Variants in SOWAHC observed in about 807,000 individuals in gnomAD.
SOWAHC encodes sosondowah ankyrin repeat domain family member C.
SOWAHC carries 12 observed loss-of-function variants against 14.4 expected under a neutral mutation model. The ratio of observed to expected loss-of-function variants is 0.83; its 90% CI spans 0.53 to 1.35. The LOEUF is 1.35. Among genes scored for constraint, SOWAHC ranks in the 40% most tolerant of loss-of-function variants. The probability of loss-of-function intolerance (pLI) is 0.00; values close to 1 mark genes in which losing one functional copy is unlikely to be tolerated. For synonymous variants in SOWAHC, 398 were observed against 347.0 expected (o/e 1.15, Z -1.63); for missense variants, 771 against 752.8 (o/e 1.02, Z -0.28).
chr2:109,617,573 T>C lies in SOWAHC; in HGVS notation c.*1506T>C. The C allele has an allele frequency of 6.0e-6, 1 of 167,136 alleles. No homozygotes were observed. The allele number at this position is 167,136 out of a possible 1,614,324, so 10.4% of individuals were successfully genotyped here. On this transcript the variant is annotated 3_prime_UTR_variant, in exon 1 of 1. Coordinates refer to ENST00000356454, the MANE Select transcript of SOWAHC (RefSeq NM_023016.4). ...TTTGGGTCGCGTAGTTGCTGAAACC[T>C]AAGTACCTGCAGCCTACAGGATAAG... is the stretch of plus-strand genomic sequence containing the variant.
At position 109,615,819 on chromosome 2, in the gene SOWAHC, T is replaced by C. The variant is rs757964739; in HGVS notation, c.1330T>C (p.Ser444Pro). The C allele has an allele frequency of 1.9e-6, 3 of 1,613,802 alleles. No homozygotes were observed. The African/African-American group carries it at 4.0e-5, about 22-fold the overall frequency. The change falls in exon 1 of 1, where the codon TCG becomes CCG. Residue 444 changes from serine to proline, a missense_variant. Ser to Pro is a moderately conservative substitution (Grantham distance 74, BLOSUM62 -1). Coordinates refer to ENST00000356454, the MANE Select transcript of SOWAHC (RefSeq NM_023016.4). ...DGGDHHHHHH[S>P]AEGWVGGKAK... is the part of the protein sequence containing the mutation. ...AGGGGACCATCACCACCATCACCAC[T>C]CGGCTGAGGGGTGGGTCGGAGGCAA...
chr2:109,617,979 C>T lies in SOWAHC; in HGVS notation c.*1912C>T, dbSNP rs1700171272. On this transcript the variant is annotated 3_prime_UTR_variant, in exon 1 of 1. Transcript: ENST00000356454. ...GGTTGCAGTTGAGCCAAGATCACGACACTGCACTCCAGCCTGGGCAACGGA... is the reference window on the plus strand; with the variant it reads ...GGTTGCAGTTGAGCCAAGATCACGATACTGCACTCCAGCCTGGGCAACGGA... 6.3e-6 allele frequency: 1 copy of T among 158,720 alleles called. No individual in the cohort carries two copies. The highest frequency in any genetic ancestry group is 1.5e-5 in the Non-Finnish European group (1 of 67,472). The allele number at this position is 158,720 out of a possible 1,614,324, so 9.8% of individuals were successfully genotyped here.
chr2:109,618,411 G>T lies in SOWAHC; in HGVS notation c.*2344G>T, dbSNP rs973460691. The T allele has an allele frequency of 1.8e-5, 3 of 167,010 alleles. No individual in the cohort carries two copies. The highest frequency in any genetic ancestry group is 4.8e-5 in the African/African-American group (2 of 41,428). 10.3% of individuals were successfully genotyped at this position (167,010 alleles called of 1,614,324 possible). ...ACTAATTGCACAAAATCTATAATTT[G>T]CCAGGGCTTTAGAGATTGAGTCAAT... is the stretch of plus-strand genomic sequence containing the variant. On this transcript the variant is annotated 3_prime_UTR_variant, in exon 1 of 1. Coordinates refer to ENST00000356454, the MANE Select transcript of SOWAHC (RefSeq NM_023016.4).
Position 109,614,650 on chromosome 2 carries a change from C to G in SOWAHC, c.161C>G (p.Ala54Gly). ...GEPEQRARARAHFKELVNAVA... is the reference protein window; with the variant it reads ...GEPEQRARARGHFKELVNAVA... Reference sequence around the variant, plus strand: ...CCGGAGCAGCGCGCCCGCGCCCGCGCGCACTTCAAGGAGCTGGTGAACGCC... The same window carrying G: ...CCGGAGCAGCGCGCCCGCGCCCGCGGGCACTTCAAGGAGCTGGTGAACGCC... The change falls in exon 1 of 1, where the codon GCG becomes GGG. Residue 54 changes from alanine to glycine, a missense_variant. Physicochemically the swap from Ala to Gly is moderately conservative, Grantham distance 60 (BLOSUM62 0). Coordinates refer to ENST00000356454, the MANE Select transcript of SOWAHC (RefSeq NM_023016.4). 1 of 1,472,418 alleles carries G rather than the reference C, an allele frequency of 6.8e-7. No individual in the cohort carries two copies. Among genetic ancestry groups the G allele is most frequent in the South Asian group, 1.3e-5 (1 of 77,950 alleles). 91.2% of individuals were successfully genotyped at this position (1,472,418 alleles called of 1,614,324 possible). A position where few individuals can be genotyped will look rare whatever the true frequency, so the allele number is the denominator to read the frequency against.
chr2:109,616,259 T>G lies in SOWAHC; in HGVS notation c.*192T>G, dbSNP rs971401454. 2.4e-6 allele frequency: 2 copies of G among 841,602 alleles called. No individual in the cohort carries two copies. The highest frequency in any genetic ancestry group is 3.5e-5 in the African/African-American group (2 of 56,558). The allele number at this position is 841,602 out of a possible 1,614,324, so 52.1% of individuals were successfully genotyped here. A position where few individuals can be genotyped will look rare whatever the true frequency, so the allele number is the denominator to read the frequency against. ...GGATGTCTTTTTCAGAGATTCATCA[T>G]ACCTTGACCTGTACCTCTTCTCTGC... On this transcript the variant is annotated 3_prime_UTR_variant, in exon 1 of 1. Transcript: ENST00000356454.
rs1700166044 is a variant in SOWAHC, at chr2:109,617,591, A to G, written c.*1524A>G. On this transcript the variant is annotated 3_prime_UTR_variant, in exon 1 of 1. Transcript: ENST00000356454. ...TGAAACCTAAGTACCTGCAGCCTAC[A>G]GGATAAGGAAGTTCACAGCCTGCGG... 2.4e-5 allele frequency: 4 copies of G among 167,034 alleles called. No individual in the cohort carries two copies. In the Admixed American group the frequency reaches 2.6e-4, roughly 11 times the overall value. 10.3% of individuals were successfully genotyped at this position (167,034 alleles called of 1,614,324 possible).
Position 109,614,648 on chromosome 2 carries a change from C to T in SOWAHC, c.159C>T (p.Arg53=). The T allele has an allele frequency of 6.8e-7, 1 of 1,472,050 alleles. No homozygotes were observed. Among genetic ancestry groups the T allele is most frequent in the Non-Finnish European group, 9.0e-7 (1 of 1,115,960 alleles). The allele number at this position is 1,472,050 out of a possible 1,614,324, so 91.2% of individuals were successfully genotyped here. A position where few individuals can be genotyped will look rare whatever the true frequency, so the allele number is the denominator to read the frequency against. ...GGEPEQRARA[R]AHFKELVNAV... is the part of the protein sequence containing the mutation. ...AACCGGAGCAGCGCGCCCGCGCCCG[C>T]GCGCACTTCAAGGAGCTGGTGAACG... is the stretch of plus-strand genomic sequence containing the variant. The change falls in exon 1 of 1, where the codon CGC becomes CGT. Residue 53 remains arginine (R), a synonymous_variant. Transcript: ENST00000356454.
chr2:109,618,154 A>G lies in SOWAHC; in HGVS notation c.*2087A>G, dbSNP rs955931020. 6.0e-6 allele frequency: 1 copy of G among 167,106 alleles called. No homozygotes were observed. Among genetic ancestry groups the G allele is most frequent in the Non-Finnish European group, 1.5e-5 (1 of 68,124 alleles). 10.4% of individuals were successfully genotyped at this position (167,106 alleles called of 1,614,324 possible). A position where few individuals can be genotyped will look rare whatever the true frequency, so the allele number is the denominator to read the frequency against. On this transcript the variant is annotated 3_prime_UTR_variant, in exon 1 of 1. Coordinates refer to ENST00000356454, the MANE Select transcript of SOWAHC (RefSeq NM_023016.4). Reference sequence around the variant, plus strand: ...ATGCATACATGTGGGTGAAAAACCAATCTAATTTTGTATAAATAAAAACAG... The same window carrying G: ...ATGCATACATGTGGGTGAAAAACCAGTCTAATTTTGTATAAATAAAAACAG...
Position 109,615,313 on chromosome 2 carries a change from C to T in SOWAHC, c.824C>T (p.Ala275Val), listed in dbSNP as rs897218517. The stretch of plus-strand genomic sequence containing the variant: ...CTGGAGCACGCGTGGATGCTCTCTG[C>T]CTCCGATGGCAAGTGGGACAGCCTG... ...DPLEHAWMLS[A>V]SDGKWDSLEG... is the part of the protein sequence containing the mutation. Residue 275 changes from alanine to valine, a missense_variant, in exon 1 of 1, where the codon GCC becomes GTC. By Grantham distance (64) the Ala-to-Val change is moderately conservative. Transcript: ENST00000356454. 1.0e-5 allele frequency: 16 copies of T among 1,607,690 alleles called. No individual in the cohort carries two copies. The highest frequency in any genetic ancestry group is 1.7e-5 in the Admixed American group (1 of 59,396).
In SOWAHC at chr2:109,617,163, A is replaced by G. The variant is rs954857993; in HGVS notation, c.*1096A>G. ...TTGGTAGTCTCTATGACTTGTAGCA[A>G]TGTTTTACAAATGTTTAAAATGCTA... On this transcript the variant is annotated 3_prime_UTR_variant, in exon 1 of 1. Transcript: ENST00000356454. The G allele has an allele frequency of 2.4e-5, 4 of 166,576 alleles. No individual in the cohort carries two copies. The highest frequency in any genetic ancestry group is 9.6e-5 in the African/African-American group (4 of 41,454). 10.3% of individuals were successfully genotyped at this position (166,576 alleles called of 1,614,324 possible).
rs1028267313 is a variant in SOWAHC, at chr2:109,617,692, A to C, written c.*1625A>C. 6.0e-6 allele frequency: 1 copy of C among 166,990 alleles called. No homozygotes were observed. The highest frequency in any genetic ancestry group is 2.4e-5 in the African/African-American group (1 of 41,464). The allele number at this position is 166,990 out of a possible 1,614,324, so 10.3% of individuals were successfully genotyped here. On this transcript the variant is annotated 3_prime_UTR_variant, in exon 1 of 1. Coordinates refer to ENST00000356454, the MANE Select transcript of SOWAHC (RefSeq NM_023016.4). The stretch of plus-strand genomic sequence containing the variant: ...TAGAAATTTGTAACACTTTGGTCAC[A>C]TCTGTCTCTAGATGGTCATTGAATT...
Position 109,615,831 on chromosome 2 carries a change from T to G in SOWAHC, c.1342T>G (p.Trp448Gly). 2 of 1,613,734 alleles carry G rather than the reference T, an allele frequency of 1.2e-6. No homozygotes were observed. The highest frequency in any genetic ancestry group is 1.7e-6 in the Non-Finnish European group (2 of 1,179,936). ...HHHHHHSAEG[W>G]VGGKAKDPGR... is the part of the protein sequence containing the mutation. ...CCACCATCACCACTCGGCTGAGGGG[T>G]GGGTCGGAGGCAAAGCCAAGGATCC... The change falls in exon 1 of 1, where the codon TGG becomes GGG. Residue 448 changes from tryptophan to glycine, a missense_variant. Trp to Gly is a radical substitution (Grantham distance 184). Transcript: ENST00000356454.
At position 109,618,550 on chromosome 2, in the gene SOWAHC, G is replaced by C. The variant is rs1283973842; in HGVS notation, c.*2483G>C. 4 of 166,944 alleles carry C rather than the reference G, an allele frequency of 2.4e-5. No individual in the cohort carries two copies. The highest frequency in any genetic ancestry group is 9.7e-5 in the African/African-American group (4 of 41,420). 10.3% of individuals were successfully genotyped at this position (166,944 alleles called of 1,614,324 possible). A position where few individuals can be genotyped will look rare whatever the true frequency, so the allele number is the denominator to read the frequency against. On this transcript the variant is annotated 3_prime_UTR_variant, in exon 1 of 1. Coordinates refer to ENST00000356454, the MANE Select transcript of SOWAHC (RefSeq NM_023016.4). ...AACTACTTCTAGCATTCCTTTTCAT[G>C]ATGTGCTTTTGTGCAGTAAGTAGCA...
At position 109,614,848 on chromosome 2, in the gene SOWAHC, A is replaced by G. The variant is rs545662367; in HGVS notation, c.359A>G (p.Asp120Gly). 60 of 1,402,812 alleles carry G rather than the reference A, an allele frequency of 4.3e-5. No homozygotes were observed. In the African/African-American group the frequency reaches 7.9e-4, roughly 18 times the overall value. 86.9% of individuals were successfully genotyped at this position (1,402,812 alleles called of 1,614,324 possible). A position where few individuals can be genotyped will look rare whatever the true frequency, so the allele number is the denominator to read the frequency against. Residue 120 changes from aspartate (D) to glycine (G), a missense_variant, in exon 1 of 1, where the codon GAC (aspartate) becomes GGC (glycine). Asp to Gly is a moderately conservative substitution (Grantham distance 94, BLOSUM62 -1). Transcript: ENST00000356454. ...CCCGAGGCGCGCGATCGGCTCCCCG[A>G]CGCGGCGGCCCCGGAGTCGCTCCCT... ...AGPEARDRLP[D>G]AAAPESLPGQ...
chr2:109,618,416 G>A lies in SOWAHC; in HGVS notation c.*2349G>A, dbSNP rs1177005743. 1 of 166,990 alleles carries A rather than the reference G, an allele frequency of 6.0e-6. No individual in the cohort carries two copies. Among genetic ancestry groups the A allele is most frequent in the Admixed American group, 6.5e-5 (1 of 15,270 alleles). 10.3% of individuals were successfully genotyped at this position (166,990 alleles called of 1,614,324 possible). Reference sequence around the variant, plus strand: ...TTGCACAAAATCTATAATTTGCCAGGGCTTTAGAGATTGAGTCAATATGTC... The same window carrying A: ...TTGCACAAAATCTATAATTTGCCAGAGCTTTAGAGATTGAGTCAATATGTC... On this transcript the variant is annotated 3_prime_UTR_variant, in exon 1 of 1. Transcript: ENST00000356454.
chr2:109,615,647 C>T lies in SOWAHC; in HGVS notation c.1158C>T (p.Ile386=), dbSNP rs1390864320. The stretch of plus-strand genomic sequence containing the variant: ...CCTCCCAGTACCTGAGTCGGAGCAT[C>T]GCCGAGGAGATCAAGAACCTGGTGG... The part of the protein sequence containing the change: ...KKASQYLSRS[I]AEEIKNLVGA... The change falls in exon 1 of 1, where the codon ATC becomes ATT. Residue 386 remains isoleucine, a synonymous_variant. Coordinates refer to ENST00000356454, the MANE Select transcript of SOWAHC (RefSeq NM_023016.4). 1 of 1,613,814 alleles carries T rather than the reference C, an allele frequency of 6.2e-7. No homozygotes were observed. The highest frequency in any genetic ancestry group is 2.2e-5 in the East Asian group (1 of 44,876).
rs1700041659 is a variant in SOWAHC, at chr2:109,614,920, A to G, written c.431A>G (p.His144Arg). 2.7e-5 allele frequency: 40 copies of G among 1,475,486 alleles called. No individual in the cohort carries two copies. The highest frequency in any genetic ancestry group is 3.1e-5 in the Non-Finnish European group (35 of 1,121,644). The allele number at this position is 1,475,486 out of a possible 1,614,324, so 91.4% of individuals were successfully genotyped here. Residue 144 changes from histidine (H) to arginine (R), a missense_variant, in exon 1 of 1, where the codon CAC becomes CGC. By Grantham distance (29) the His-to-Arg change is conservative (BLOSUM62 0). Transcript: ENST00000356454. ...LGEGEPPAPA[H>R]WPPLSAGARR... Reference sequence around the variant, plus strand: ...GAGGGAGAGCCCCCCGCCCCCGCGCACTGGCCGCCCCTGAGCGCCGGGGCT... The same window carrying G: ...GAGGGAGAGCCCCCCGCCCCCGCGCGCTGGCCGCCCCTGAGCGCCGGGGCT...
rs1700144022 is a variant in SOWAHC at position 109,616,052 on chromosome 2, C to A, written c.1563C>A (p.Ser521=). 5.3e-6 allele frequency: 8 copies of A among 1,507,416 alleles called. No individual in the cohort carries two copies. Among genetic ancestry groups the A allele is most frequent in the African/African-American group, 1.4e-5 (1 of 71,548 alleles). The allele number at this position is 1,507,416 out of a possible 1,614,324, so 93.4% of individuals were successfully genotyped here. Residue 521 remains serine, a synonymous_variant, in exon 1 of 1, where the codon TCC becomes TCA. Coordinates refer to ENST00000356454, the MANE Select transcript of SOWAHC (RefSeq NM_023016.4). ...GHSPFTLRPK[S]NVFG is the part of the protein sequence containing the mutation. ...CGCCCTTCACATTGAGACCAAAGTC[C>A]AATGTATTTGGGTAAAAATTGCTTC... is the stretch of plus-strand genomic sequence containing the variant.
chr2:109,615,333 A>G lies in SOWAHC; in HGVS notation c.844A>G (p.Ser282Gly), dbSNP rs1014363699. 5 of 1,611,712 alleles carry G rather than the reference A, an allele frequency of 3.1e-6. No individual in the cohort carries two copies. Among genetic ancestry groups the G allele is most frequent in the Middle Eastern group, 3.3e-4 (2 of 6,058 alleles). Residue 282 changes from serine to glycine, a missense_variant, in exon 1 of 1, where the codon AGC becomes GGC. Ser to Gly is a moderately conservative substitution (Grantham distance 56, BLOSUM62 0). Coordinates refer to ENST00000356454, the MANE Select transcript of SOWAHC (RefSeq NM_023016.4). ...CTCTGCCTCCGATGGCAAGTGGGAC[A>G]GCCTGGAGGGCTTGCTCACCTGCGA... ...MLSASDGKWDSLEGLLTCEPG... is the reference protein window; with the variant it reads ...MLSASDGKWDGLEGLLTCEPG...
Sources: allele counts gnomAD v4.1 joint callset, GRCh38; gene constraint gnomAD v4.1.1; transcripts MANE v1.5; gene names NCBI Gene and HGNC (gene_info 2026-07-23, HGNC 2026-07-21).